Variants in KLF8 observed in about 807,000 individuals in gnomAD.
KLF8 encodes the protein Krueppel-like factor 8.
A neutral mutation model predicts 18.2 loss-of-function variants in KLF8; 10 were observed. The ratio of observed to expected loss-of-function variants is 0.55; its 90% CI spans 0.34 to 0.93. The LOEUF (loss-of-function observed/expected upper bound fraction) is 0.93, where lower values mean the gene tolerates loss of function less well. KLF8 is among the 40% of genes least tolerant of loss of function. KLF8 has a pLI of 0.02. For missense variants in KLF8, 264 were observed against 277.9 expected, an observed-to-expected ratio of 0.95 and a Z score of 0.36; for synonymous variants, 109 against 97.3, an observed-to-expected ratio of 1.12 and a Z score of -0.71.
chrX:56,103,077 T>C, the KLF8 span, among the ~76,000 whole-genome samples: 2 of 110,536 alleles, frequency 1.8e-5, no homozygotes, highest in African/African-American at 6.6e-5. Flanking sequence ...TATATCTCCA[T>C]TTTGGTACCA....
At chrX:55,909,071 G>T in the KLF8 span, among the ~76,000 whole-genome samples, 7 of 111,471 alleles carry the variant, frequency 6.3e-5, no homozygotes, top group East Asian at 1.4e-3. Flanking sequence ...CTCCCTCCTG[G>T]CATTCTTTCT....
chrX:55,909,473 G>A, the KLF8 span, among the ~76,000 whole-genome samples: 2 of 112,718 alleles, frequency 1.8e-5, no homozygotes, highest in African/African-American at 6.5e-5. Flanking sequence ...AATGCCAGGT[G>A]CATTGCCTGT....
chrX:56,112,261 T>G, the KLF8 span, among the ~76,000 whole-genome samples: 1 of 111,211 alleles, frequency 9.0e-6, no homozygotes, highest in African/African-American at 3.3e-5. Context: ...AAGTTATCAC[T>G]CATAAGTTGG....
chrX:56,178,733 A>C, the KLF8 span, among the ~76,000 whole-genome samples: 1 of 112,105 alleles, frequency 8.9e-6, no homozygotes, highest in Non-Finnish European at 1.9e-5. Flanking sequence ...CCCTTTGTTA[A>C]ATAGGGAATC....
At chrX:56,266,011 A>G in intron 3 of KLF8, 2 of 861,810 alleles carry the variant, frequency 2.3e-6, no homozygotes, top group South Asian at 6.1e-5. Flanking sequence ...ATTATTTGAT[A>G]TTAAATAATT....
chrX:56,136,413 T>C, the KLF8 span, among the ~76,000 whole-genome samples: 3 of 110,447 alleles, frequency 2.7e-5, no homozygotes, highest in South Asian at 3.9e-4. Flanking sequence ...GAGATATAGA[T>C]CAATGGAACA....
the KLF8 span, among the ~76,000 whole-genome samples, chrX:56,184,404 G>T: frequency 8.9e-5 from 10 of 112,705 alleles, no homozygotes; most frequent in East Asian, 2.0e-3. Flanking sequence ...CACAGCTCAA[G>T]GAGGCCTGCC....
the KLF8 span, among the ~76,000 whole-genome samples, chrX:56,091,271 G>C: frequency 9.0e-6 from 1 of 110,520 alleles, no homozygotes; most frequent in Admixed American, 9.6e-5. Context: ...CCCATCACTT[G>C]TTTTCTCTCT....
the KLF8 span, among the ~76,000 whole-genome samples, chrX:55,942,862 C>T: frequency 2.7e-5 from 3 of 111,964 alleles, no homozygotes; most frequent in Admixed American, 2.8e-4. Context: ...GCATAGTCAT[C>T]AAGTAATGGA....
the KLF8 span, among the ~76,000 whole-genome samples, chrX:56,214,946 A>C: frequency 8.9e-6 from 1 of 112,308 alleles, no homozygotes; most frequent in Non-Finnish European, 1.9e-5. Flanking sequence ...GACACATAAC[A>C]GGTGTTATGC....
At chrX:55,950,246 G>C in the KLF8 span, among the ~76,000 whole-genome samples, 1 of 110,750 alleles carries the variant, frequency 9.0e-6, no homozygotes. Flanking sequence ...CTAATAGAGA[G>C]GTGTAATGTT....
chrX:56,180,099 C>T, the KLF8 span, among the ~76,000 whole-genome samples: 4 of 111,471 alleles, frequency 3.6e-5, no homozygotes, highest in African/African-American at 3.3e-5. Context: ...TCGTAGAATT[C>T]GGCTGTGAAT....
chrX:56,012,175 C>T, the KLF8 span, among the ~76,000 whole-genome samples: 1 of 111,913 alleles, frequency 8.9e-6, no homozygotes, highest in Non-Finnish European at 1.9e-5. Flanking sequence ...AGCCAACATT[C>T]CTGCTGAATA....
At chrX:56,022,551 C>CAAAAAAAAAAAA in the KLF8 span, among the ~76,000 whole-genome samples, 7 of 27,289 alleles carry the variant, frequency 2.6e-4, no homozygotes, top group African/African-American at 6.0e-4. Flanking sequence ...TCTGTCTGAC[C>CAAAAAAAAAAAA]AAAAAAAAAA....
At chrX:55,978,892 T>C in the KLF8 span, among the ~76,000 whole-genome samples, 4 of 111,743 alleles carry the variant, frequency 3.6e-5, no homozygotes, top group South Asian at 7.5e-4. Context: ...GGCAATCATA[T>C]ATCTACAGAG....
the KLF8 span, among the ~76,000 whole-genome samples, chrX:55,974,211 G>T: frequency 1.2e-3 from 131 of 111,153 alleles, no homozygotes; most frequent in Middle Eastern, 9.3e-3. Context: ...GAGGTTGAGG[G>T]TCAAAAAACT....
the KLF8 span, among the ~76,000 whole-genome samples, chrX:55,973,368 A>G: frequency 1.8e-5 from 2 of 112,286 alleles, no homozygotes; most frequent in Non-Finnish European, 3.8e-5. Flanking sequence ...AAGTAATTAA[A>G]TTAAAGAGGT....
chrX:56,008,137 T>TATAC, the KLF8 span, among the ~76,000 whole-genome samples: 29 of 106,457 alleles, frequency 2.7e-4, no homozygotes, highest in African/African-American at 1.0e-3. Context: ...TATATATATA[T>TATAC]ACACACACAA....
chrX:56,174,606 C>G, the KLF8 span, among the ~76,000 whole-genome samples: 4 of 111,686 alleles, frequency 3.6e-5, no homozygotes, highest in African/African-American at 9.8e-5. Context: ...TGATGCTGGC[C>G]TCATAAAATG....
Sources: gnomAD v4.1 joint callset for allele counts (sites outside exome capture counted in the v4.1 genomes callset) on GRCh38, gnomAD v4.1.1 for gene constraint, MANE v1.5 for transcripts, NCBI Gene and HGNC (gene_info 2026-07-23, HGNC 2026-07-21) for gene names.